HDAC9: variants seen among roughly 807,000 people sequenced by gnomAD.
The protein encoded by HDAC9 is MEF-2 interacting transcription repressor (MITR) protein.
In HDAC9, 41 loss-of-function variants were observed where a neutral mutation model predicts 139.4. The observed-to-expected ratio is 0.29, with a 90% CI of 0.23 to 0.38. The LOEUF (loss-of-function observed/expected upper bound fraction) is 0.38, where lower values mean the gene tolerates loss of function less well. HDAC9 is among the 10% of genes least tolerant of loss of function. The pLI is 1.00. For missense variants in HDAC9, 1,147 were observed against 1,297.0 expected (o/e 0.88, Z 1.78); for synonymous variants, 517 against 476.2 (o/e 1.09, Z -1.12).
At chr7:18,192,249 C>G (rs1254070359) in intron 2 of HDAC9, among the ~76,000 whole-genome samples, 1 of 152,108 alleles carries the variant, frequency 6.6e-6, no homozygotes, top group Non-Finnish European at 1.5e-5. Flanking sequence ...AGGTAGAATG[C>G]AACTTCTTGG....
chr7:18,334,342 T>C (rs1046857999), intron 1 of HDAC9, among the ~76,000 whole-genome samples: 3 of 151,248 alleles, frequency 2.0e-5, no homozygotes, highest in Non-Finnish European at 3.0e-5. Context: ...TGGCTTAGAG[T>C]CAGGAATTCA....
intron 2 of HDAC9, among the ~76,000 whole-genome samples, chr7:18,254,965 AAT>A (rs560746485): frequency 1.1e-3 from 169 of 152,340 alleles, no homozygotes; most frequent in African/African-American, 3.9e-3. Context: ...TAAAATTATG[AAT>A]ATATGCTTTT....
At chr7:18,791,728 A>G (rs1792329161) in intron 16 of HDAC9, among the ~76,000 whole-genome samples, 1 of 152,212 alleles carries the variant, frequency 6.6e-6, no homozygotes, top group South Asian at 2.1e-4. Flanking sequence ...GGTCTTCAGA[A>G]CAGCCTTTCT....
intron 14 of HDAC9, among the ~76,000 whole-genome samples, chr7:18,756,665 A>G (rs1270274259): frequency 6.6e-6 from 1 of 152,236 alleles, no homozygotes; most frequent in African/African-American, 2.4e-5. Flanking sequence ...ATTTAGTCAA[A>G]CATCTTTATG....
chr7:18,410,836 A>G (rs1788477822), intron 1 of HDAC9, among the ~76,000 whole-genome samples: 1 of 152,156 alleles, frequency 6.6e-6, no homozygotes, highest in South Asian at 2.1e-4. Context: ...ACTCCAAATG[A>G]TATTCTTATC....
chr7:18,106,322 A>G (rs560743568), intron 1 of HDAC9, among the ~76,000 whole-genome samples: 1 of 152,262 alleles, frequency 6.6e-6, no homozygotes, highest in South Asian at 2.1e-4. Flanking sequence ...TGGTTTTCCC[A>G]GTCTCATTTC....
At chr7:18,203,871 G>T (rs551856037) in intron 2 of HDAC9, among the ~76,000 whole-genome samples, 6 of 152,104 alleles carry the variant, frequency 3.9e-5, no homozygotes, top group African/African-American at 1.4e-4. Flanking sequence ...TACATTTATC[G>T]AAAGTAAAAG....
intron 14 of HDAC9, among the ~76,000 whole-genome samples, chr7:18,759,666 GTC>G (rs1789202087): frequency 6.6e-6 from 1 of 152,016 alleles, no homozygotes; most frequent in Admixed American, 6.6e-5. Context: ...CACTTTTTTT[GTC>G]TTCCACGAAA....
At chr7:18,855,408 A>AT (rs1243027270) in intron 21 of HDAC9, among the ~76,000 whole-genome samples, 1 of 151,980 alleles carries the variant, frequency 6.6e-6, no homozygotes, top group Non-Finnish European at 1.5e-5. Context: ...TTATTTTATT[A>AT]TTTTTTATCC....
intron 24 of HDAC9, among the ~76,000 whole-genome samples, chr7:18,966,102 CATT>C (rs1439852770): frequency 6.6e-6 from 1 of 152,168 alleles, no homozygotes; most frequent in Non-Finnish European, 1.5e-5. Flanking sequence ...TAGCTTCTAT[CATT>C]GTTTCCTCTG....
At chr7:18,637,269 A>G (rs1014321850) in intron 8 of HDAC9, among the ~76,000 whole-genome samples, 1 of 152,122 alleles carries the variant, frequency 6.6e-6, no homozygotes, top group African/African-American at 2.4e-5. Context: ...GAAGATACAT[A>G]TATTCCTTCA....
At chr7:18,262,660 C>T (rs150230777) in intron 2 of HDAC9, among the ~76,000 whole-genome samples, 13 of 152,132 alleles carry the variant, frequency 8.5e-5, no homozygotes, top group South Asian at 4.1e-4. Context: ...AAAGCAATAA[C>T]GATAAAACTA....
chr7:18,155,160 G>A (rs1165999052), intron 1 of HDAC9, among the ~76,000 whole-genome samples: 1 of 150,916 alleles, frequency 6.6e-6, no homozygotes, highest in Non-Finnish European at 1.5e-5. Flanking sequence ...CAGTTTCTGG[G>A]CATTGTGAGT....
chr7:18,154,379 A>G (rs1484966931), intron 1 of HDAC9, among the ~76,000 whole-genome samples: 3 of 152,214 alleles, frequency 2.0e-5, no homozygotes, highest in Admixed American at 2.0e-4. Context: ...AGAAAGATGA[A>G]TAGTTGTGCT....
At chr7:18,498,130 T>C (rs1797413319) in intron 2 of HDAC9, among the ~76,000 whole-genome samples, 1 of 152,172 alleles carries the variant, frequency 6.6e-6, no homozygotes, top group Non-Finnish European at 1.5e-5. Context: ...TCCCAAAACC[T>C]GTCTGGTATA....
At chr7:18,424,730 G>A (rs1169889856) in intron 1 of HDAC9, among the ~76,000 whole-genome samples, 4 of 152,234 alleles carry the variant, frequency 2.6e-5, no homozygotes, top group East Asian at 1.9e-4. Flanking sequence ...CCAACCTGGT[G>A]AAACCCTGTC....
At chr7:18,610,374 G>T (rs1409338827) in intron 6 of HDAC9, among the ~76,000 whole-genome samples, 1 of 152,064 alleles carries the variant, frequency 6.6e-6, no homozygotes, top group African/African-American at 2.4e-5. Flanking sequence ...GGTTTTATGT[G>T]CAGTAATGCT....
intron 1 of HDAC9, among the ~76,000 whole-genome samples, chr7:18,453,924 G>A (rs553031062): frequency 7.2e-5 from 11 of 152,082 alleles, no homozygotes; most frequent in East Asian, 5.8e-4. Context: ...GAATAAATGG[G>A]GAAATTGTTC....
chr7:18,416,569 T>C (rs929823694), intron 1 of HDAC9, among the ~76,000 whole-genome samples: 3 of 152,178 alleles, frequency 2.0e-5, no homozygotes, highest in Non-Finnish European at 2.9e-5. Context: ...TGCCAAATAT[T>C]TAATGTCTAT....
Sources: gnomAD v4.1 joint callset for allele counts (sites outside exome capture counted in the v4.1 genomes callset) on GRCh38, gnomAD v4.1.1 for gene constraint, MANE v1.5 for transcripts, NCBI Gene and HGNC (gene_info 2026-07-23, HGNC 2026-07-21) for gene names.